DPP6: variants seen among roughly 807,000 people sequenced by gnomAD.
DPP6 encodes dipeptidyl peptidase like 6, also known as A-type potassium channel modulatory protein DPP6.
Under a neutral mutation model 122.6 loss-of-function variants are expected in DPP6, and 69 were observed. The observed-to-expected ratio is 0.56, with a 90% CI of 0.46 to 0.69. The LOEUF is 0.69. Ranked by LOEUF, DPP6 falls within the 30% of genes least tolerant of loss-of-function variation. DPP6 has a pLI of 0.00. For missense variants in DPP6, 928 were observed against 1,116.9 expected, an observed-to-expected ratio of 0.83 and a Z score of 2.41; for synonymous variants, 418 against 433.1, an observed-to-expected ratio of 0.97 and a Z score of 0.43.
At position 154,877,553 on chromosome 7, in the gene DPP6, C is replaced by T. The variant is rs75839681; in HGVS notation, c.2078+1453C>T. The stretch of plus-strand genomic sequence containing the variant: ...AGGCTCTCTCCGTCTCTCCGCCCAG[C>T]CAGCCATGATGGTCTCATCCTAAGC... On this transcript the variant is annotated intron_variant, in intron 20 of 25. Transcript: ENST00000377770. This position sits in a 1 kb window ranked among gnomAD's most constrained non-coding sequence, Gnocchi z 5.2. 0.011 allele frequency among the ~76,000 whole-genome samples: 1,745 copies of T among 152,304 alleles called. 13 individuals are homozygous for T. Among genetic ancestry groups the T allele is most frequent in the East Asian group, 0.036 (188 of 5,176 alleles).
intron 1 of DPP6, among the ~76,000 whole-genome samples, chr7:154,378,065 A>G (rs988379097): frequency 6.6e-6 from 1 of 152,242 alleles, no homozygotes; most frequent in African/African-American, 2.4e-5. Context: ...ACTGGCATAT[A>G]GAAACAGTGC....
At chr7:154,675,108 T>C (rs1266383960) in intron 7 of DPP6, among the ~76,000 whole-genome samples, 1 of 152,192 alleles carries the variant, frequency 6.6e-6, no homozygotes, top group Non-Finnish European at 1.5e-5. Flanking sequence ...CGCATTTAAA[T>C]TGTGCTGTGT....
intron 1 of DPP6, among the ~76,000 whole-genome samples, chr7:154,326,227 C>T (rs1358276642): frequency 6.6e-6 from 1 of 152,052 alleles, no homozygotes; most frequent in East Asian, 1.9e-4. Flanking sequence ...TATGCATGAC[C>T]CTGTGCCTAA....
chr7:154,374,605 T>TTTTTTTCTTTTTTTTC (rs1554530634), intron 1 of DPP6, among the ~76,000 whole-genome samples: 10 of 140,520 alleles, frequency 7.1e-5, no homozygotes, highest in East Asian at 4.3e-4. Context: ...TTTTTCTGTT[T>TTTTTTTCTTTTTTTTC]TTTTTCTTTT....
At chr7:154,549,332 G>T (rs578037618) in intron 4 of DPP6, among the ~76,000 whole-genome samples, 1 of 152,134 alleles carries the variant, frequency 6.6e-6, no homozygotes, top group Non-Finnish European at 1.5e-5. Context: ...CAATAAAAAG[G>T]TTCCAATCAC....
At chr7:154,692,748 A>T (rs951836199) in intron 7 of DPP6, among the ~76,000 whole-genome samples, 13 of 149,354 alleles carry the variant, frequency 8.7e-5, no homozygotes, top group Non-Finnish European at 1.6e-4. Flanking sequence ...TCTCTTTTTC[A>T]TACTTTTATT....
chr7:154,803,779 G>A (rs1798522644), intron 13 of DPP6, 85 bp from the exon 14 acceptor site: 4 of 1,512,046 alleles, frequency 2.6e-6, no homozygotes, highest in Non-Finnish European at 3.6e-6. Context: ...CTGTCACCTG[G>A]TGTCCAAAAC....
chr7:154,074,128 T>C (rs1803368024), intron 1 of DPP6, among the ~76,000 whole-genome samples: 1 of 146,554 alleles, frequency 6.8e-6, no homozygotes, highest in Non-Finnish European at 1.5e-5. Flanking sequence ...TATAGATATC[T>C]ATATATATCT....
intron 5 of DPP6, among the ~76,000 whole-genome samples, chr7:154,628,705 C>T (rs1358122344): frequency 6.6e-6 from 1 of 152,118 alleles, no homozygotes; most frequent in Non-Finnish European, 1.5e-5. Context: ...TCTGCTTCTG[C>T]CTCCCCTGCC....
rs1563339886 is a variant in DPP6, at chr7:154,894,086, A to G, written c.*1606A>G. On this transcript the variant is annotated 3_prime_UTR_variant, in exon 26 of 26. Coordinates refer to ENST00000377770, the MANE Select transcript of DPP6 (RefSeq NM_130797.4). ...AAAGGTGATTCACCACCATTTGTGA[A>G]AGGACCAACGTGCTGATAAACAGGA... The G allele has an allele frequency of 6.6e-6, 1 of 152,326 alleles. No homozygotes were observed. Among genetic ancestry groups the G allele is most frequent in the Non-Finnish European group, 1.5e-5 (1 of 68,044 alleles). 9.4% of individuals were successfully genotyped at this position (152,326 alleles called of 1,614,324 possible).
chr7:154,883,986 TCACA>T (rs1259741566), intron 21 of DPP6: 1 of 132,582 alleles, frequency 7.5e-6, no homozygotes, highest in East Asian at 2.4e-4. Flanking sequence ...ATACACATGC[TCACA>T]CATACACATG....
At chr7:154,049,566 A>G (rs1410428250), upstream of DPP6, among the ~76,000 whole-genome samples, 1 of 132,954 alleles carries the variant, frequency 7.5e-6, no homozygotes, top group African/African-American at 2.7e-5. Flanking sequence ...ATGCACATAC[A>G]CACGAGGTAT....
intron 8 of DPP6, among the ~76,000 whole-genome samples, chr7:154,753,529 T>C (rs1434851330): frequency 6.6e-6 from 1 of 152,132 alleles, no homozygotes; most frequent in Non-Finnish European, 1.5e-5. Context: ...CTCCCATTCA[T>C]GGTCACAGCC....
rs563901916 is a variant in DPP6 at position 154,889,114 on chromosome 7, G to T, written c.2305-158G>T. 5.3e-5 allele frequency among the ~76,000 whole-genome samples: 8 copies of T among 152,254 alleles called. No homozygotes were observed. In the East Asian group the frequency reaches 1.4e-3, roughly 26 times the overall value. On this transcript the variant is annotated intron_variant, in intron 23 of 25. Transcript: ENST00000377770. ...CCATACCACTGGGCTTCTGACATCTGCCCTGCATTTCTTTGCAGATATAAG... is the reference window on the plus strand; with the variant it reads ...CCATACCACTGGGCTTCTGACATCTTCCCTGCATTTCTTTGCAGATATAAG...
intron 4 of DPP6, among the ~76,000 whole-genome samples, chr7:154,561,974 G>C (rs1371865122): frequency 2.0e-5 from 3 of 152,074 alleles, no homozygotes; most frequent in Admixed American, 2.0e-4. Context: ...TAAAACTCAA[G>C]GCCCAAATTG....
intron 1 of DPP6, among the ~76,000 whole-genome samples, chr7:154,123,354 C>T (rs1807634957): frequency 6.6e-6 from 1 of 152,204 alleles, no homozygotes; most frequent in South Asian, 2.1e-4. Context: ...AATTAAAGCT[C>T]AATCTGAAAG....
In DPP6 at chr7:154,127,678, A is replaced by C. The variant is rs117710375; in HGVS notation, c.243+74615A>C. 5.0e-3 allele frequency among the ~76,000 whole-genome samples: 656 copies of C among 130,360 alleles called. 2 individuals are homozygous for C. The highest frequency in any genetic ancestry group is 7.1e-3 in the Non-Finnish European group (455 of 64,178). 85.5% of individuals were successfully genotyped at this position (130,360 alleles called of 152,430 possible). ...ACACACACACACACACACACACACA[A>C]AACAGCTCTTTCTGAGGTTGGGAAG... On this transcript the variant is annotated intron_variant, in intron 1 of 25. Coordinates refer to ENST00000377770, the MANE Select transcript of DPP6 (RefSeq NM_130797.4).
At chr7:154,053,529 T>A (rs1433741126) in intron 1 of DPP6, among the ~76,000 whole-genome samples, 1 of 150,836 alleles carries the variant, frequency 6.6e-6, no homozygotes, top group Admixed American at 6.6e-5. Flanking sequence ...GCCCCTCCTC[T>A]CCTACTCACT....
At chr7:153,880,302 T>G in the DPP6 span, among the ~76,000 whole-genome samples, 4 of 152,246 alleles carry the variant, frequency 2.6e-5, no homozygotes, top group Admixed American at 1.3e-4. Flanking sequence ...GCTTCACTGA[T>G]TCTGTAAAAT....
Sources: allele counts gnomAD v4.1 joint callset (sites outside exome capture counted in the v4.1 genomes callset), GRCh38; gene constraint gnomAD v4.1.1; non-coding constraint Gnocchi (gnomAD v3.1); transcripts MANE v1.5; gene names NCBI Gene and HGNC (gene_info 2026-07-23, HGNC 2026-07-21).